The following SLC4A10 variants were observed in gnomAD, a reference collection of about 807,000 sequenced individuals.
SLC4A10 encodes solute carrier family 4 member 10.
A neutral mutation model predicts 137.7 loss-of-function variants in SLC4A10; 42 were observed. The observed-to-expected ratio is 0.30, with a 90% CI of 0.24 to 0.39. The LOEUF (loss-of-function observed/expected upper bound fraction) is 0.39. Ranked by LOEUF, SLC4A10 falls within the 10% of genes least tolerant of loss-of-function variation. SLC4A10 has a pLI of 1.00. For synonymous variants in SLC4A10, 474 were observed against 464.1 expected, an observed-to-expected ratio of 1.02 and a Z score of -0.27; for missense variants, 925 against 1,355.0, an observed-to-expected ratio of 0.68 and a Z score of 4.98.
intron 4 of SLC4A10, among the ~76,000 whole-genome samples, chr2:161,848,396 G>C (rs2059625651): frequency 6.6e-6 from 1 of 152,094 alleles, no homozygotes; most frequent in African/African-American, 2.4e-5. Context: ...AATTCCACTT[G>C]TCAATTTTTG....
chr2:161,903,167 TCA>T (rs1683505924), intron 12 of SLC4A10, among the ~76,000 whole-genome samples: 2 of 152,212 alleles, frequency 1.3e-5, no homozygotes, highest in Non-Finnish European at 2.9e-5. Flanking sequence ...AAGCATAATT[TCA>T]CAGTTTAATA....
At chr2:161,728,187 C>T (rs1174375085) in intron 1 of SLC4A10, among the ~76,000 whole-genome samples, 1 of 152,164 alleles carries the variant, frequency 6.6e-6, no homozygotes, top group Non-Finnish European at 1.5e-5. Flanking sequence ...AAATTATATA[C>T]TACCAAAACT....
intron 1 of SLC4A10, among the ~76,000 whole-genome samples, chr2:161,742,969 AT>A (rs990273846): frequency 1.9e-4 from 29 of 151,910 alleles, no homozygotes; most frequent in East Asian, 7.7e-4. Flanking sequence ...AGATTATTAG[AT>A]TTTTTTTATT....
chr2:161,835,800 T>C (rs1485988709), intron 3 of SLC4A10, among the ~76,000 whole-genome samples: 1 of 152,146 alleles, frequency 6.6e-6, no homozygotes, highest in Non-Finnish European at 1.5e-5. Flanking sequence ...TCCGGCCAAG[T>C]GGAAAGGTTA....
chr2:161,708,931 G>T, intron 1 of SLC4A10: 2 of 1,306,660 alleles, frequency 1.5e-6, no homozygotes, highest in East Asian at 5.1e-5. Flanking sequence ...ATTGTTTATT[G>T]TCAGACTTTC....
chr2:161,674,632 G>A (rs1460013646), intron 1 of SLC4A10, among the ~76,000 whole-genome samples: 1 of 152,130 alleles, frequency 6.6e-6, no homozygotes, highest in Non-Finnish European at 1.5e-5. Flanking sequence ...TAATATGATT[G>A]GAAATCGATG....
chr2:161,822,075 C>G (rs917921251), intron 3 of SLC4A10, among the ~76,000 whole-genome samples: 1 of 152,194 alleles, frequency 6.6e-6, no homozygotes, highest in Non-Finnish European at 1.5e-5. Flanking sequence ...TTATTCATAA[C>G]TGTGAGGGTG....
intron 4 of SLC4A10, among the ~76,000 whole-genome samples, chr2:161,844,929 C>T (rs1030932686): frequency 2.6e-5 from 4 of 152,030 alleles, no homozygotes; most frequent in Non-Finnish European, 5.9e-5. Flanking sequence ...CAGAAAAGGT[C>T]GTGCAATTGG....
At chr2:161,753,642 T>C (rs2049240248) in intron 1 of SLC4A10, among the ~76,000 whole-genome samples, 1 of 152,116 alleles carries the variant, frequency 6.6e-6, no homozygotes, top group Non-Finnish European at 1.5e-5. Context: ...GTGGTAGTAG[T>C]AGTGATAATC....
At chr2:161,936,638 T>C (rs182615756) in intron 15 of SLC4A10, among the ~76,000 whole-genome samples, 1 of 152,292 alleles carries the variant, frequency 6.6e-6, no homozygotes. Context: ...TGTCTCCTCT[T>C]TCATTTCTGA....
At chr2:161,747,309 G>A (rs143331309) in intron 1 of SLC4A10, among the ~76,000 whole-genome samples, 7 of 152,196 alleles carry the variant, frequency 4.6e-5, no homozygotes, top group Admixed American at 3.9e-4. Context: ...GCCAAATTCC[G>A]CCTTGTGTTG....
chr2:161,894,499 C>A (rs2063243703), intron 10 of SLC4A10, among the ~76,000 whole-genome samples, 180 bp from the exon 11 acceptor site: 2 of 151,924 alleles, frequency 1.3e-5, no homozygotes, highest in African/African-American at 4.8e-5. Flanking sequence ...AAATAGTTAC[C>A]TATATGGATC....
intron 1 of SLC4A10, among the ~76,000 whole-genome samples, chr2:161,770,543 C>G (rs2051459641): frequency 6.6e-6 from 1 of 151,858 alleles, no homozygotes; most frequent in Non-Finnish European, 1.5e-5. Flanking sequence ...TTTTTAATGA[C>G]AGTGGAATTA....
intron 10 of SLC4A10, among the ~76,000 whole-genome samples, chr2:161,892,385 G>C (rs1033930817): frequency 4.0e-5 from 6 of 151,804 alleles, no homozygotes; most frequent in African/African-American, 1.5e-4. Context: ...TTTATAAGAA[G>C]CTTGTGGCAT....
At chr2:161,725,979 A>G (rs2046180274) in intron 1 of SLC4A10, among the ~76,000 whole-genome samples, 1 of 152,196 alleles carries the variant, frequency 6.6e-6, no homozygotes, top group East Asian at 1.9e-4. Context: ...TAGAATGTGA[A>G]ATCTTAGAAA....
In SLC4A10 at chr2:161,980,612, G is replaced by A. The variant is rs138055085; in HGVS notation, c.*27-2567G>A. Among the ~76,000 whole-genome samples, 429 of 152,206 alleles carry A rather than the reference G, an allele frequency of 2.8e-3. 5 individuals carry two copies. Among genetic ancestry groups the A allele is most frequent in the African/African-American group, 0.01 (419 of 41,516 alleles). On this transcript the variant is annotated intron_variant, in intron 26 of 26. Coordinates refer to ENST00000446997, the MANE Select transcript of SLC4A10 (RefSeq NM_001178015.2). Reference sequence around the variant, plus strand: ...TGCAGTGAGCCAAGATTGTGCCACTGCACTCCAGCCTGGGCAACAGAGCAA... The same window carrying A: ...TGCAGTGAGCCAAGATTGTGCCACTACACTCCAGCCTGGGCAACAGAGCAA...
At chr2:161,767,182 G>A (rs375170275) in intron 1 of SLC4A10, among the ~76,000 whole-genome samples, 834 of 45,892 alleles carry the variant, frequency 0.018, 19 homozygotes, top group Non-Finnish European at 0.024. Flanking sequence ...ATATATATGT[G>A]TGTGTGTGTG....
chr2:161,947,618 A>G lies in SLC4A10; in HGVS notation c.2156A>G (p.His719Arg). 6.2e-7 allele frequency: 1 copy of G among 1,613,176 alleles called. No individual in the cohort carries two copies. Among genetic ancestry groups the G allele is most frequent in the Non-Finnish European group, 8.5e-7 (1 of 1,179,384 alleles). Residue 719 changes from histidine to arginine, a missense_variant, in exon 17 of 27, where the codon CAC becomes CGC. Transcript: ENST00000446997. Reference protein sequence around the residue: ...EYVGRACGHDHPYVPDVLFWS... With the variant: ...EYVGRACGHDRPYVPDVLFWS... ...GTTGGACGGGCCTGTGGCCATGATC[A>G]CCCATATGTTCCAGATGTTCTATTT...
intron 1 of SLC4A10, among the ~76,000 whole-genome samples, chr2:161,710,949 A>G (rs766687197): frequency 1.2e-4 from 18 of 151,856 alleles, no homozygotes; most frequent in Non-Finnish European, 2.2e-4. Context: ...GATAGGCAGT[A>G]TGCTACAATC....
Sources: allele counts gnomAD v4.1 joint callset (sites outside exome capture counted in the v4.1 genomes callset), GRCh38; gene constraint gnomAD v4.1.1; transcripts MANE v1.5; gene names NCBI Gene and HGNC (gene_info 2026-07-23, HGNC 2026-07-21).